TNRC18: variants seen among roughly 807,000 people sequenced by gnomAD.
TNRC18 encodes the protein trinucleotide repeat containing 18.
A neutral mutation model predicts 226.7 loss-of-function variants in TNRC18; 69 were observed. The ratio of observed to expected loss-of-function variants is 0.30; its 90% confidence interval spans 0.25 to 0.37. The LOEUF (loss-of-function observed/expected upper bound fraction) is 0.37. TNRC18 is among the 10% of genes least tolerant of loss of function. The probability of loss-of-function intolerance (pLI) is 1.00; values close to 1 mark genes in which losing one functional copy is unlikely to be tolerated. For synonymous variants in TNRC18, 2,449 were observed against 1,927.6 expected (o/e 1.27, Z -7.09); for missense variants, 4,754 against 4,256.6 (o/e 1.12, Z -3.25).
Position 5,312,726 on chromosome 7 carries a change from G to C in TNRC18, c.8165C>G (p.Pro2722Arg), listed in dbSNP as rs758438026. The change falls in exon 27 of 30, where the codon CCC becomes CGC. Residue 2722 changes from proline to arginine, a missense_variant. Pro to Arg is a moderately radical substitution (Grantham distance 103). Transcript: ENST00000430969. The surrounding 1 kb of genome is among the most constrained non-coding windows in gnomAD (Gnocchi z 6.3). The stretch of plus-strand genomic sequence containing the variant: ...AGGAGGCGCCTGGGGCTGGGGCGCG[G>C]GCGTCTTCTTGCCTGGGGAGTGGGC... ...PSAHSPGKKT[P>R]APQPQAPPPQ... The C allele has an allele frequency of 4.6e-5, 71 of 1,559,678 alleles. No homozygotes were observed. The highest frequency in any genetic ancestry group is 2.4e-4 in the Middle Eastern group (1 of 4,202).
At chr7:5,356,568 T>C (rs930022405) in intron 16 of TNRC18, among the ~76,000 whole-genome samples, 21 of 152,194 alleles carry the variant, frequency 1.4e-4, no homozygotes, top group African/African-American at 4.6e-4. Context: ...CCGCAAACTC[T>C]ATGACGCACA....
intron 24 of TNRC18, among the ~76,000 whole-genome samples, chr7:5,318,677 A>G (rs560863248): frequency 6.6e-6 from 1 of 152,322 alleles, no homozygotes; most frequent in African/African-American, 2.4e-5. Context: ...GAGATAAAAA[A>G]GCAGGTCTCC....
Position 5,345,631 on chromosome 7 carries a change from A to G in TNRC18, c.5650T>C (p.Ser1884Pro), listed in dbSNP as rs753598639. Residue 1884 changes from serine (S) to proline (P), a missense_variant, in exon 18 of 30, where the codon TCC becomes CCC. Coordinates refer to ENST00000430969, the MANE Select transcript of TNRC18 (RefSeq NM_001080495.3). ...SALPSPTVGP[S>P]LSVVQLEAKQ... ...GCCTCCAGCTGTACCACAGACAGGG[A>G]TGGACCCACCGTGGGGCTGGGGAGG... The G allele has an allele frequency of 1.3e-6, 2 of 1,558,714 alleles. No homozygotes were observed. The highest frequency in any genetic ancestry group is 3.8e-5 in the Admixed American group (2 of 52,066).
In TNRC18 at chr7:5,388,913, C is replaced by G; in HGVS notation, c.911G>C (p.Gly304Ala). 7.3e-7 allele frequency: 1 copy of G among 1,362,334 alleles called. No individual in the cohort carries two copies. The highest frequency in any genetic ancestry group is 9.5e-7 in the Non-Finnish European group (1 of 1,054,120). The allele number at this position is 1,362,334 out of a possible 1,614,324, so 84.4% of individuals were successfully genotyped here. A position where few individuals can be genotyped will look rare whatever the true frequency, so the allele number is the denominator to read the frequency against. Residue 304 changes from glycine (G) to alanine (A), a missense_variant, in exon 5 of 30, where the codon GGT (glycine) becomes GCT (alanine). Transcript: ENST00000430969. ...PALVAEAGRG[G>A]AKEAARQDEG... ...GTCCTGCCGGGCAGCCTCCTTGGCA[C>G]CCCCGCGCCCCGCTTCGGCCACCAG...
intron 17 of TNRC18, among the ~76,000 whole-genome samples, chr7:5,349,551 C>A (rs1053125981): frequency 6.6e-6 from 1 of 152,120 alleles, no homozygotes; most frequent in African/African-American, 2.4e-5. Context: ...GGGCGAACCC[C>A]GAGGAGGGAG....
intron 17 of TNRC18, among the ~76,000 whole-genome samples, chr7:5,350,857 A>C (rs896598465): frequency 3.9e-5 from 6 of 152,168 alleles, no homozygotes; most frequent in African/African-American, 4.8e-5. Flanking sequence ...CCGTCCCTTG[A>C]TGCGGCAACG....
intron 5 of TNRC18, among the ~76,000 whole-genome samples, chr7:5,382,050 G>A (rs1243284932): frequency 6.6e-6 from 1 of 152,124 alleles, no homozygotes; most frequent in Non-Finnish European, 1.5e-5. Flanking sequence ...GTGCCCAGCA[G>A]GGCCCCAGGC....
At chr7:5,375,560 A>G (rs980593167) in intron 9 of TNRC18, among the ~76,000 whole-genome samples, 4 of 152,108 alleles carry the variant, frequency 2.6e-5, no homozygotes, top group African/African-American at 7.2e-5. Flanking sequence ...TGTATGCACT[A>G]CCTGGGCCGA....
chr7:5,345,487 C>T (rs1791083449), intron 18 of TNRC18, 75 bp downstream of exon 18: 1 of 1,356,974 alleles, frequency 7.4e-7, no homozygotes, highest in Non-Finnish European at 9.9e-7. Flanking sequence ...GCCTCAGTTT[C>T]CTCACCTGTG....
At chr7:5,328,071 A>C (rs1305198032) in intron 19 of TNRC18, among the ~76,000 whole-genome samples, 1 of 151,978 alleles carries the variant, frequency 6.6e-6, no homozygotes. Context: ...AAAATACAAA[A>C]ATTAGGCGTG....
intron 24 of TNRC18, among the ~76,000 whole-genome samples, chr7:5,316,675 AAAG>A (rs1787883419): frequency 6.6e-6 from 1 of 152,144 alleles, no homozygotes; most frequent in Non-Finnish European, 1.5e-5. Context: ...CAACCACAGC[AAAG>A]GAGGGACGCA....
intron 17 of TNRC18, among the ~76,000 whole-genome samples, chr7:5,347,641 G>A (rs917672511): frequency 6.6e-6 from 1 of 152,072 alleles, no homozygotes; most frequent in African/African-American, 2.4e-5. Context: ...GTCCAGCCTG[G>A]GTGACAGAGC....
intron 5 of TNRC18, among the ~76,000 whole-genome samples, chr7:5,380,965 C>T (rs998000813): frequency 1.3e-5 from 2 of 152,192 alleles, no homozygotes; most frequent in Non-Finnish European, 2.9e-5. Context: ...GGGCTCTCCC[C>T]GTGCCCCCAG....
intron 27 of TNRC18, among the ~76,000 whole-genome samples, chr7:5,311,819 T>TAAA (rs11366632): frequency 7.1e-6 from 1 of 140,404 alleles, no homozygotes; most frequent in Non-Finnish European, 1.6e-5. Flanking sequence ...TCCTGTCTCT[T>TAAA]AAAAAAAAAA....
chr7:5,320,232 G>A, intron 24 of TNRC18, 86 bp downstream of exon 24: 1 of 1,038,862 alleles, frequency 9.6e-7, no homozygotes, highest in African/African-American at 1.6e-5. Flanking sequence ...TTATTCTTAA[G>A]CCAGTTAGAG....
rs774640433 is a variant in TNRC18 at position 5,376,924 on chromosome 7, G to A, written c.2531C>T (p.Pro844Leu). Reference sequence around the variant, plus strand: ...GTCCCTGACAAACTGGTAGGCTGACGGGAGGGAGCCCCCCAGGCCAGGTGG... The same window carrying A: ...GTCCCTGACAAACTGGTAGGCTGACAGGAGGGAGCCCCCCAGGCCAGGTGG... Reference protein sequence around the residue: ...AFPPGLGGSLPSAYQFVRDPQ... With the variant: ...AFPPGLGGSLLSAYQFVRDPQ... Residue 844 changes from proline to leucine, a missense_variant, in exon 8 of 30, where the codon CCG (proline) becomes CTG (leucine). Physicochemically the swap from Pro to Leu is moderately conservative, Grantham distance 98. Transcript: ENST00000430969. 1.0e-5 allele frequency: 16 copies of A among 1,602,852 alleles called. No homozygotes were observed. Among genetic ancestry groups the A allele is most frequent in the Admixed American group, 3.4e-5 (2 of 58,274 alleles).
Position 5,325,188 on chromosome 7 carries a change from A to G in TNRC18, c.6208T>C (p.Leu2070=). The G allele has an allele frequency of 6.4e-7, 1 of 1,554,428 alleles. No individual in the cohort carries two copies. Among genetic ancestry groups the G allele is most frequent in the Non-Finnish European group, 8.7e-7 (1 of 1,149,656 alleles). ...AGLPPPRAPA[L]PSEARAPHAS... is the part of the protein sequence containing the mutation. ...TGAGGAGCCCTGGCCTCAGAGGGCA[A>G]GGCAGGAGCTCGGGGCGGCGGCAGC... is the stretch of plus-strand genomic sequence containing the variant. The change falls in exon 20 of 30, where the codon TTG becomes CTG. Residue 2070 remains leucine, a synonymous_variant. Transcript: ENST00000430969.
In TNRC18 at chr7:5,359,443, G is replaced by A; in HGVS notation, c.4788C>T (p.Asn1596=). The A allele has an allele frequency of 6.2e-7, 1 of 1,613,986 alleles. No individual in the cohort carries two copies. Among genetic ancestry groups the A allele is most frequent in the Non-Finnish European group, 8.5e-7 (1 of 1,179,878 alleles). The change falls in exon 15 of 30, where the codon AAC becomes AAT. Residue 1596 remains asparagine, a synonymous_variant. Coordinates refer to ENST00000430969, the MANE Select transcript of TNRC18 (RefSeq NM_001080495.3). The part of the protein sequence containing the change: ...LIGMGKARGR[N]QTWDEHEASS... ...AGGCCTCATGTTCATCCCAAGTCTG[G>A]TTCCTCCCCCTGGCTTTCCCCATTC...
At chr7:5,365,442 G>A (rs1793519102) in intron 11 of TNRC18, among the ~76,000 whole-genome samples, 1 of 151,622 alleles carries the variant, frequency 6.6e-6, no homozygotes, top group African/African-American at 2.4e-5. Flanking sequence ...GAGCACATGG[G>A]CACATAGCTG....
Sources: allele counts gnomAD v4.1 joint callset (sites outside exome capture counted in the v4.1 genomes callset), GRCh38; gene constraint gnomAD v4.1.1; non-coding constraint Gnocchi (gnomAD v3.1); transcripts MANE v1.5; gene names NCBI Gene and HGNC (gene_info 2026-07-23, HGNC 2026-07-21).